Variants in CSRNP3 observed in about 807,000 individuals in gnomAD.
CSRNP3 encodes cysteine and serine rich nuclear protein 3, also known as cysteine/serine-rich nuclear protein 3.
In CSRNP3, 12 loss-of-function variants were observed where a neutral mutation model predicts 48.0. That is an observed-to-expected ratio of 0.25 (90% CI 0.16 to 0.41). The LOEUF is 0.41. Among genes scored for constraint, CSRNP3 ranks in the 10% least tolerant of loss-of-function variants. The pLI, the probability that CSRNP3 is intolerant of heterozygous loss-of-function variation, is 1.00. For synonymous variants in CSRNP3, 263 were observed against 269.7 expected (o/e 0.98, Z 0.24); for missense variants, 580 against 724.4 (o/e 0.80, Z 2.29).
rs1189335152 is a variant in CSRNP3, at chr2:165,488,265, A to G, written c.-282-6494A>G. Among the ~76,000 whole-genome samples, 481 of 90,540 alleles carry G rather than the reference A, an allele frequency of 5.3e-3. 5 individuals are homozygous for G. Among genetic ancestry groups the G allele is most frequent in the African/African-American group, 0.021 (461 of 21,738 alleles). 59.4% of individuals were successfully genotyped at this position (90,540 alleles called of 152,430 possible). A position where few individuals can be genotyped will look rare whatever the true frequency, so the allele number is the denominator to read the frequency against. ...AGCTAACTATCCTAAATATATATGC[A>G]CCCAATACAGGAGCACCCAGATTCA... On this transcript the variant is annotated intron_variant, in intron 1 of 6. Transcript: ENST00000651982.
At chr2:165,576,540 A>T (rs1193970712) in intron 3 of CSRNP3, among the ~76,000 whole-genome samples, 2 of 152,052 alleles carry the variant, frequency 1.3e-5, no homozygotes, top group African/African-American at 4.8e-5. Flanking sequence ...ACAAATGTGA[A>T]ATAAAGAGAA....
intron 1 of CSRNP3, among the ~76,000 whole-genome samples, chr2:165,480,158 G>A (rs1339955824): frequency 2.0e-5 from 3 of 152,166 alleles, no homozygotes; most frequent in Non-Finnish European, 2.9e-5. Flanking sequence ...CCTACTTCAC[G>A]TCAGCCACAG....
At chr2:165,606,466 C>T (rs1686015202) in intron 4 of CSRNP3, among the ~76,000 whole-genome samples, 1 of 151,088 alleles carries the variant, frequency 6.6e-6, no homozygotes, top group Admixed American at 6.6e-5. Flanking sequence ...TATTAGGAAC[C>T]AGGGAAATTA....
intron 4 of CSRNP3, among the ~76,000 whole-genome samples, chr2:165,637,754 T>C (rs1046151053): frequency 6.6e-6 from 1 of 152,236 alleles, no homozygotes; most frequent in Non-Finnish European, 1.5e-5. Flanking sequence ...TGTTTCTTAA[T>C]GTACAAAATG....
chr2:165,543,324 A>G (rs1206686614), intron 3 of CSRNP3, among the ~76,000 whole-genome samples: 1 of 152,140 alleles, frequency 6.6e-6, no homozygotes, highest in South Asian at 2.1e-4. Flanking sequence ...TCTTGTAACC[A>G]TGGCATGCAA....
rs552958940 is a variant in CSRNP3, at chr2:165,685,539, T to A, written c.*5786T>A. The A allele has an allele frequency of 6.6e-6, 1 of 152,118 alleles. No individual in the cohort carries two copies. Among genetic ancestry groups the A allele is most frequent in the East Asian group, 1.9e-4 (1 of 5,196 alleles). The allele number at this position is 152,118 out of a possible 1,614,324, so 9.4% of individuals were successfully genotyped here. A position where few individuals can be genotyped will look rare whatever the true frequency, so the allele number is the denominator to read the frequency against. The stretch of plus-strand genomic sequence containing the variant: ...AGTTTACTTTTATATGTAGATTTTT[T>A]AAATATTCACATCTAGCCTGGAATT... On this transcript the variant is annotated 3_prime_UTR_variant, in exon 7 of 7. Coordinates refer to ENST00000651982, the MANE Select transcript of CSRNP3 (RefSeq NM_001172173.2).
chr2:165,661,642 A>G (rs1687097934), intron 5 of CSRNP3, among the ~76,000 whole-genome samples: 1 of 152,198 alleles, frequency 6.6e-6, no homozygotes, highest in Non-Finnish European at 1.5e-5. Flanking sequence ...GGCTAAATTG[A>G]TTTCATTATT....
chr2:165,584,233 T>A (rs1397055856), intron 3 of CSRNP3, among the ~76,000 whole-genome samples: 2 of 152,166 alleles, frequency 1.3e-5, no homozygotes, highest in African/African-American at 4.8e-5. Flanking sequence ...TCTGTTCCCT[T>A]AACTGTAAAC....
intron 4 of CSRNP3, among the ~76,000 whole-genome samples, chr2:165,621,900 G>A (rs970482756): frequency 1.3e-5 from 2 of 152,076 alleles, no homozygotes; most frequent in African/African-American, 4.8e-5. Flanking sequence ...TTCTACAGAT[G>A]AGAATGTTTA....
chr2:165,602,224 G>A (rs1181162513), intron 4 of CSRNP3, among the ~76,000 whole-genome samples: 1 of 152,064 alleles, frequency 6.6e-6, no homozygotes, highest in African/African-American at 2.4e-5. Flanking sequence ...ATCCTTTCTA[G>A]CCTGTAATAA....
intron 3 of CSRNP3, among the ~76,000 whole-genome samples, chr2:165,592,801 CATTTTT>C (rs1253295304): frequency 7.5e-6 from 1 of 133,444 alleles, no homozygotes; most frequent in African/African-American, 2.8e-5. Context: ...AACCTCTTTT[CATTTTT>C]TTTTTTTTTT....
intron 2 of CSRNP3, among the ~76,000 whole-genome samples, chr2:165,497,308 C>A (rs1359915670): frequency 6.6e-6 from 1 of 151,902 alleles, no homozygotes; most frequent in East Asian, 1.9e-4. Flanking sequence ...TGTGAATTTT[C>A]AAGAGTTTTG....
chr2:165,586,920 AT>A (rs1489967629), intron 3 of CSRNP3, among the ~76,000 whole-genome samples: 2 of 152,156 alleles, frequency 1.3e-5, no homozygotes, highest in East Asian at 3.9e-4. Flanking sequence ...CCTCCACCTA[AT>A]ATGCTTCTGG....
intron 4 of CSRNP3, among the ~76,000 whole-genome samples, chr2:165,645,841 G>A (rs1239455537): frequency 6.6e-6 from 1 of 152,040 alleles, no homozygotes; most frequent in Non-Finnish European, 1.5e-5. Flanking sequence ...TGCCTCCCAG[G>A]CTCAAGTGAT....
At chr2:165,590,991 G>A (rs1685707852) in intron 3 of CSRNP3, among the ~76,000 whole-genome samples, 1 of 152,176 alleles carries the variant, frequency 6.6e-6, no homozygotes, top group South Asian at 2.1e-4. Context: ...ACAGTTTGGA[G>A]GGCTCAGAAG....
At chr2:165,469,846 G>A (rs752427196) in intron 1 of CSRNP3, 106 bp downstream of exon 1, 6 of 152,064 alleles carry the variant, frequency 3.9e-5, no homozygotes, top group Non-Finnish European at 7.4e-5. Context: ...AAATTATTCT[G>A]AGGACATTTT....
At chr2:165,632,670 G>A (rs929667040) in intron 4 of CSRNP3, among the ~76,000 whole-genome samples, 2 of 152,144 alleles carry the variant, frequency 1.3e-5, no homozygotes, top group African/African-American at 4.8e-5. Flanking sequence ...GAGTCTCCAT[G>A]AGAATATTTT....
chr2:165,681,748 TATATATATATATACACAC>T lies in CSRNP3; in HGVS notation c.*1997_*2014del, dbSNP rs1687545410. On this transcript the variant is annotated 3_prime_UTR_variant, in exon 7 of 7. Transcript: ENST00000651982. ...ATACATATATATATATATATATATATATATATATATATACACACACACACACACATACACATATATATA... is the reference window on the plus strand; with the variant it reads ...ATACATATATATATATATATATATATACACACACACATACACATATATATA... 1.1e-5 allele frequency: 1 copy of T among 90,866 alleles called. No homozygotes were observed. The highest frequency in any genetic ancestry group is 3.7e-5 in the African/African-American group (1 of 27,182). The allele number at this position is 90,866 out of a possible 1,614,324, so 5.6% of individuals were successfully genotyped here. A position where few individuals can be genotyped will look rare whatever the true frequency, so the allele number is the denominator to read the frequency against.
chr2:165,597,000 C>T (rs75570423), intron 4 of CSRNP3, among the ~76,000 whole-genome samples: 2 of 152,092 alleles, frequency 1.3e-5, no homozygotes, highest in Non-Finnish European at 2.9e-5. Context: ...AGAGGCTAAG[C>T]GTCTGGCAAA....
Sources: gnomAD v4.1 joint callset for allele counts (sites outside exome capture counted in the v4.1 genomes callset) on GRCh38, gnomAD v4.1.1 for gene constraint, MANE v1.5 for transcripts, NCBI Gene and HGNC (gene_info 2026-07-23, HGNC 2026-07-21) for gene names.